SLC26A5: variants seen among roughly 807,000 people sequenced by gnomAD.
SLC26A5 encodes the protein solute carrier family 26 member 5, also known as prestin.
SLC26A5 carries 51 observed loss-of-function variants against 81.0 expected under a neutral mutation model. The ratio of observed to expected loss-of-function variants is 0.63; its 90% CI spans 0.50 to 0.80. The LOEUF is 0.80. SLC26A5 is among the 30% of genes least tolerant of loss of function. SLC26A5 has a pLI of 0.00. For synonymous variants in SLC26A5, 325 were observed against 332.8 expected (o/e 0.98, Z 0.25); for missense variants, 771 against 905.8 (o/e 0.85, Z 1.91).
chr7:103,367,545 C>A lies in SLC26A5; in HGVS notation c.2041+9263G>T. On this transcript the variant is annotated intron_variant, in intron 19 of 19. Coordinates refer to the SLC26A5 transcript ENST00000339444. The surrounding 1 kb of genome is among the most constrained non-coding windows in gnomAD (Gnocchi z 6.1). The stretch of plus-strand genomic sequence containing the variant: ...CTGATGGCCACTAACAGACCTGATA[C>A]TTTGGATCCAGCACTGATGAGGCCA... The A allele has an allele frequency of 6.2e-7, 1 of 1,614,128 alleles. No homozygotes were observed. The highest frequency in any genetic ancestry group is 8.5e-7 in the Non-Finnish European group (1 of 1,180,032).
At chr7:103,373,841 G>C (rs1821157491), downstream of SLC26A5, among the ~76,000 whole-genome samples, 1 of 152,192 alleles carries the variant, frequency 6.6e-6, no homozygotes, top group African/African-American at 2.4e-5. Flanking sequence ...GGTAATCTCT[G>C]AGTGGTGGAA....
At chr7:103,376,940 G>A (rs899510164) in intron 18 of SLC26A5, 78 bp from the exon 19 acceptor site, 97 of 977,750 alleles carry the variant, frequency 9.9e-5, no homozygotes, top group Middle Eastern at 9.4e-4. Context: ...AATGTTTTTC[G>A]TGATAGAAGA....
chr7:103,356,201 T>C (rs546405793), intron 19 of SLC26A5, among the ~76,000 whole-genome samples: 62 of 152,336 alleles, frequency 4.1e-4, no homozygotes, highest in African/African-American at 1.4e-3. Flanking sequence ...ATCTTTGTCT[T>C]TAATATAGGT....
Position 103,420,940 on chromosome 7 carries a change from A to G in SLC26A5, c.153-63T>C, listed in dbSNP as rs139597026. On this transcript the variant is annotated intron_variant, in intron 3 of 19. Transcript: ENST00000306312. ...TGAGAAACATCTCTGTAGAATTCAA[A>G]CCAAAGCATTTTCCCTTCCTTATTC... The G allele has an allele frequency of 2.5e-3, 3,800 of 1,533,070 alleles. 126 individuals are homozygous for G. The Admixed American group carries it at 0.056, about 23-fold the overall frequency. The allele number at this position is 1,533,070 out of a possible 1,614,324, so 95.0% of individuals were successfully genotyped here. A position where few individuals can be genotyped will look rare whatever the true frequency, so the allele number is the denominator to read the frequency against.
chr7:103,392,758 C>A (rs963613236), intron 10 of SLC26A5, among the ~76,000 whole-genome samples, 161 bp downstream of exon 10: 1 of 152,002 alleles, frequency 6.6e-6, no homozygotes, highest in African/African-American at 2.4e-5. Context: ...TTTGTATTTT[C>A]AGTAGAGATG....
chr7:103,357,915 T>G (rs565383029), intron 19 of SLC26A5, among the ~76,000 whole-genome samples: 3 of 152,172 alleles, frequency 2.0e-5, no homozygotes, highest in Non-Finnish European at 4.4e-5. Context: ...TCTCTCGGTT[T>G]CATTTTCCTT....
At chr7:103,410,646 C>CTT in intron 6 of SLC26A5, 97 bp from the exon 7 acceptor site, 26 of 1,092,012 alleles carry the variant, frequency 2.4e-5, no homozygotes, top group Middle Eastern at 3.0e-4. Flanking sequence ...TGACCATTTT[C>CTT]TTTTTTTTTT....
In SLC26A5 at chr7:103,364,128, G is replaced by T. The variant is rs141423831; in HGVS notation, c.2042-11202C>A. On this transcript the variant is annotated intron_variant, in intron 19 of 19. Transcript: ENST00000339444. Reference sequence around the variant, plus strand: ...TACAGAAGTGGTAAGTGTGAAAATTGTGTCTCTATCACAGCCAGAGAGGTT... The same window carrying T: ...TACAGAAGTGGTAAGTGTGAAAATTTTGTCTCTATCACAGCCAGAGAGGTT... 4.5e-4 allele frequency: 719 copies of T among 1,609,514 alleles called. 5 individuals are homozygous for T. The African/African-American group carries it at 8.3e-3, about 19-fold the overall frequency.
intron 12 of SLC26A5, among the ~76,000 whole-genome samples, chr7:103,389,784 C>T (rs1481417616): frequency 6.6e-6 from 1 of 152,078 alleles, no homozygotes; most frequent in Non-Finnish European, 1.5e-5. Context: ...GGTGCTACCA[C>T]ACTCAGTTAA....
At position 103,380,503 on chromosome 7, in the gene SLC26A5, T is replaced by C. The variant is rs1439503631; in HGVS notation, c.1561A>G (p.Ile521Val). 8 of 1,613,778 alleles carry C rather than the reference T, an allele frequency of 5.0e-6. No individual in the cohort carries two copies. The highest frequency in any genetic ancestry group is 6.8e-6 in the Non-Finnish European group (8 of 1,179,748). ...ACCTCCTCATATGCGTCTATATCAATATACACATCAGTTTCAGGAAGCTTT... is the reference window on the plus strand; with the variant it reads ...ACCTCCTCATATGCGTCTATATCAACATACACATCAGTTTCAGGAAGCTTT... ...LGKLPETDVY[I>V]DIDAYEEVKE... The change falls in exon 15 of 20, where the codon ATT becomes GTT. Residue 521 changes from isoleucine (I) to valine (V), a missense_variant. Physicochemically the swap from Ile to Val is conservative, Grantham distance 29. Transcript: ENST00000306312.
intron 9 of SLC26A5, 46 bp downstream of exon 9, chr7:103,397,886 C>T: frequency 7.4e-7 from 1 of 1,343,998 alleles, no homozygotes; most frequent in Non-Finnish European, 1.1e-6. Flanking sequence ...GGCAATAGAT[C>T]CATTGATTAT....
chr7:103,445,732 G>A (rs1351137055), intron 1 of SLC26A5: 3 of 152,286 alleles, frequency 2.0e-5, no homozygotes, highest in African/African-American at 7.2e-5. Flanking sequence ...TGTGTAATTC[G>A]ATTTGGATAC....
chr7:103,391,654 G>A lies in SLC26A5; in HGVS notation c.1201C>T (p.Leu401Phe). 1 of 1,614,170 alleles carries A rather than the reference G, an allele frequency of 6.2e-7. No homozygotes were observed. Among genetic ancestry groups the A allele is most frequent in the Non-Finnish European group, 8.5e-7 (1 of 1,180,024 alleles). ...TTCCCACCGGTTCCCTCCTGAACAA[G>A]GCTTCGAGACAAGGAGCATGAAATT... The part of the protein sequence containing the change: ...FSISCSLSRS[L>F]VQEGTGGKTQ... The change falls in exon 11 of 20, where the codon CTT becomes TTT. Residue 401 changes from leucine (L) to phenylalanine (F), a missense_variant. Coordinates refer to ENST00000306312, the MANE Select transcript of SLC26A5 (RefSeq NM_198999.3).
At position 103,378,633 on chromosome 7, in the gene SLC26A5, C is replaced by A. The variant is rs144979323; in HGVS notation, c.1678-80G>T. ...CCAATGCCACTCCCCTTCAAATCTCCCCATTTAACTGCTTTCTGGGTCAGA... is the reference window on the plus strand; with the variant it reads ...CCAATGCCACTCCCCTTCAAATCTCACCATTTAACTGCTTTCTGGGTCAGA... On this transcript the variant is annotated intron_variant, in intron 16 of 19. Transcript: ENST00000306312. 1.7e-4 allele frequency: 209 copies of A among 1,222,448 alleles called. No homozygotes were observed. In the African/African-American group the frequency reaches 2.8e-3, roughly 16 times the overall value. The allele number at this position is 1,222,448 out of a possible 1,614,324, so 75.7% of individuals were successfully genotyped here. A position where few individuals can be genotyped will look rare whatever the true frequency, so the allele number is the denominator to read the frequency against.
chr7:103,419,341 A>C (rs1397154532), intron 4 of SLC26A5, among the ~76,000 whole-genome samples: 1 of 152,134 alleles, frequency 6.6e-6, no homozygotes, highest in East Asian at 1.9e-4. Context: ...CTGCAGGCCT[A>C]CTTCTGCCCA....
intron 19 of SLC26A5, among the ~76,000 whole-genome samples, chr7:103,376,137 G>A (rs1386130632): frequency 1.3e-5 from 2 of 150,966 alleles, no homozygotes; most frequent in African/African-American, 2.4e-5. Flanking sequence ...GTGTAGTGGC[G>A]TGATGTTGGC....
intron 4 of SLC26A5, among the ~76,000 whole-genome samples, chr7:103,417,899 C>T (rs1825050235): frequency 6.6e-6 from 1 of 152,150 alleles, no homozygotes; most frequent in African/African-American, 2.4e-5. Flanking sequence ...CAGGCATGTG[C>T]CACTATGCCT....
chr7:103,427,641 G>C (rs1825794591), intron 2 of SLC26A5, among the ~76,000 whole-genome samples: 1 of 152,162 alleles, frequency 6.6e-6, no homozygotes, highest in Non-Finnish European at 1.5e-5. Flanking sequence ...TCAGCTGCAT[G>C]CCAATAATGA....
chr7:103,432,423 G>T (rs185962590), intron 2 of SLC26A5, among the ~76,000 whole-genome samples: 6 of 151,872 alleles, frequency 4.0e-5, no homozygotes, highest in Admixed American at 6.6e-5. Context: ...TATCTCATTG[G>T]GTTGATTACA....
Sources: gnomAD v4.1 joint callset for allele counts (sites outside exome capture counted in the v4.1 genomes callset) on GRCh38, gnomAD v4.1.1 for gene constraint, Gnocchi (gnomAD v3.1) non-coding constraint, MANE v1.5 for transcripts, NCBI Gene and HGNC (gene_info 2026-07-23, HGNC 2026-07-21) for gene names.